Variants in EPSTI1 observed in about 807,000 individuals in gnomAD.
EPSTI1 encodes the protein epithelial-stromal interaction protein 1.
Under a neutral mutation model 49.9 loss-of-function variants are expected in EPSTI1, and 66 were observed. The observed-to-expected ratio is 1.32, with a 90% CI of 1.08 to 1.62. EPSTI1 has a LOEUF of 1.62. EPSTI1 is among the 40% of genes most tolerant of loss of function. The pLI, the probability that EPSTI1 is intolerant of heterozygous loss-of-function variation, is 0.00. For missense variants in EPSTI1, 394 were observed against 365.5 expected (o/e 1.08, Z -0.64); for synonymous variants, 137 against 130.7 (o/e 1.05, Z -0.33).
intron 8 of EPSTI1, among the ~76,000 whole-genome samples, chr13:42,906,613 C>T (rs1045892198): frequency 5.3e-5 from 8 of 152,086 alleles, no homozygotes; most frequent in African/African-American, 1.2e-4. Context: ...GAAAAGCTTT[C>T]GGGGGAAGGA....
intron 9 of EPSTI1, among the ~76,000 whole-genome samples, 198 bp downstream of exon 9, chr13:42,900,112 A>G (rs1426734427): frequency 6.6e-6 from 1 of 152,232 alleles, no homozygotes; most frequent in African/African-American, 2.4e-5. Context: ...GTGCATGCAC[A>G]TATGTACACA....
At chr13:42,895,323 G>C (rs2037159985) in intron 9 of EPSTI1, among the ~76,000 whole-genome samples, 1 of 152,162 alleles carries the variant, frequency 6.6e-6, no homozygotes, top group Non-Finnish European at 1.5e-5. Context: ...AAGCCAAAGG[G>C]GATACGAATT....
At chr13:42,968,294 CA>C (rs1297154532) in intron 3 of EPSTI1, among the ~76,000 whole-genome samples, 6 of 147,942 alleles carry the variant, frequency 4.1e-5, no homozygotes, top group Non-Finnish European at 1.5e-5. Flanking sequence ...AAATAATTTC[CA>C]AATTAGATTA....
chr13:42,979,675 C>G (rs1437681177), intron 1 of EPSTI1, among the ~76,000 whole-genome samples: 1 of 151,610 alleles, frequency 6.6e-6, no homozygotes, highest in Non-Finnish European at 1.5e-5. Flanking sequence ...ATACTGTTTA[C>G]TTATATTTAC....
At position 42,944,858 on chromosome 13, in the gene EPSTI1, T is replaced by C. The variant is rs1045194905; in HGVS notation, c.563+9090A>G. On this transcript the variant is annotated intron_variant, in intron 6 of 10. Coordinates refer to ENST00000313624, the MANE Select transcript of EPSTI1 (RefSeq NM_033255.5). ...AAATACATGGACCTTGTAGAAACTA[T>C]AATAGTGACCAAAGATCCCAAAATT... 6.6e-5 allele frequency among the ~76,000 whole-genome samples: 10 copies of C among 152,306 alleles called. No individual in the cohort carries two copies. In the South Asian group the frequency reaches 1.0e-3, roughly 16 times the overall value.
At chr13:42,961,878 C>A (rs2039461466) in intron 5 of EPSTI1, among the ~76,000 whole-genome samples, 1 of 152,170 alleles carries the variant, frequency 6.6e-6, no homozygotes, top group African/African-American at 2.4e-5. Flanking sequence ...GGGAGGAGGG[C>A]AGCGTGTTTG....
At chr13:42,933,708 C>T (rs1179443262) in intron 6 of EPSTI1, 1 of 152,198 alleles carries the variant, frequency 6.6e-6, no homozygotes, top group African/African-American at 2.4e-5. Flanking sequence ...CTGAAGGAAC[C>T]ATGTCCTGCA....
intron 8 of EPSTI1, 116 bp from the exon 9 acceptor site, chr13:42,900,499 T>C (rs940699491): frequency 9.7e-6 from 9 of 931,700 alleles, no homozygotes; most frequent in Non-Finnish European, 1.5e-5. Context: ...TTTTGAAACT[T>C]TTACTTAAGT....
intron 1 of EPSTI1, among the ~76,000 whole-genome samples, chr13:42,979,448 G>A (rs915026055): frequency 2.0e-5 from 3 of 151,952 alleles, no homozygotes; most frequent in Non-Finnish European, 4.4e-5. Flanking sequence ...CGGGCGTGGT[G>A]GCGGGTGCCT....
Position 42,992,209 on chromosome 13 carries a change from G to C in EPSTI1, c.-44C>G. On this transcript the variant is annotated 5_prime_UTR_variant, in exon 1 of 11. It adds an upstream start codon to the 5' untranslated region. Transcript: ENST00000313624. ...CCCGGGCCGCCGTCGCTGCGGGAGG[G>C]ATGCGGCTGGGACGCTTAGCGAGTC... 1.3e-6 allele frequency: 2 copies of C among 1,493,776 alleles called. No homozygotes were observed. Among genetic ancestry groups the C allele is most frequent in the Non-Finnish European group, 1.8e-6 (2 of 1,120,812 alleles). The allele number at this position is 1,493,776 out of a possible 1,614,324, so 92.5% of individuals were successfully genotyped here.
At chr13:42,959,782 G>A (rs1304449363) in intron 5 of EPSTI1, among the ~76,000 whole-genome samples, 1 of 152,210 alleles carries the variant, frequency 6.6e-6, no homozygotes, top group Non-Finnish European at 1.5e-5. Flanking sequence ...GATACCAAGA[G>A]GTTGGGGAAT....
chr13:42,907,509 T>G (rs2037530249), intron 8 of EPSTI1, among the ~76,000 whole-genome samples: 1 of 152,192 alleles, frequency 6.6e-6, no homozygotes, highest in Non-Finnish European at 1.5e-5. Context: ...TCTAATATTT[T>G]TACTTTTAGG....
chr13:42,891,758 T>C (rs543469241), intron 10 of EPSTI1, among the ~76,000 whole-genome samples: 3 of 152,346 alleles, frequency 2.0e-5, no homozygotes, highest in South Asian at 2.1e-4. Flanking sequence ...GTTCCAGTTA[T>C]TGTTTTATGC....
At chr13:42,934,689 T>A (rs1365069774) in intron 6 of EPSTI1, 1 of 163,474 alleles carries the variant, frequency 6.1e-6, no homozygotes, top group African/African-American at 2.4e-5. Flanking sequence ...CTTTGCTCTG[T>A]ACCTGGTTGC....
At position 42,922,670 on chromosome 13, in the gene EPSTI1, C is replaced by T. The variant is rs1269067282; in HGVS notation, c.657+3666G>A. On this transcript the variant is annotated intron_variant, in intron 7 of 10. Coordinates refer to ENST00000313624, the MANE Select transcript of EPSTI1 (RefSeq NM_033255.5). This position sits in a 1 kb window ranked among gnomAD's most constrained non-coding sequence, Gnocchi z 4.8. ...AGCAAAGGGAAGTGTTCAAATGTTG[C>T]GGTGGAAGTGGGATTCAAGCGGCGC... Among the ~76,000 whole-genome samples, 3 of 152,058 alleles carry T rather than the reference C, an allele frequency of 2.0e-5. No homozygotes were observed. Among genetic ancestry groups the T allele is most frequent in the East Asian group, 1.9e-4 (1 of 5,196 alleles).
intron 1 of EPSTI1, among the ~76,000 whole-genome samples, chr13:42,986,731 C>T (rs1346120917): frequency 1.8e-5 from 2 of 109,318 alleles, no homozygotes; most frequent in African/African-American, 7.3e-5. Context: ...GGTGACACAG[C>T]AAGATTCCAT....
chr13:42,989,586 TTTTTGTTTTG>T (rs1214107461), intron 1 of EPSTI1, among the ~76,000 whole-genome samples: 3 of 69,860 alleles, frequency 4.3e-5, no homozygotes, highest in Non-Finnish European at 6.9e-5. Flanking sequence ...TTTTTTTTGC[TTTTTGTTTTG>T]TTTTGTTTTG....
chr13:42,989,398 G>C (rs183287469), intron 1 of EPSTI1, among the ~76,000 whole-genome samples: 116 of 152,132 alleles, frequency 7.6e-4, no homozygotes, highest in African/African-American at 2.7e-3. Flanking sequence ...CTTGAACCCA[G>C]GTCTACCCAG....
intron 1 of EPSTI1, among the ~76,000 whole-genome samples, chr13:42,974,633 TG>T (rs2039844573): frequency 6.8e-6 from 1 of 148,004 alleles, no homozygotes; most frequent in African/African-American, 2.5e-5. Flanking sequence ...CACTCCCGCC[TG>T]GGCGACAGAG....
Sources: gnomAD v4.1 joint callset for allele counts (sites outside exome capture counted in the v4.1 genomes callset) on GRCh38, gnomAD v4.1.1 for gene constraint, Gnocchi (gnomAD v3.1) non-coding constraint, MANE v1.5 for transcripts, NCBI Gene and HGNC (gene_info 2026-07-23, HGNC 2026-07-21) for gene names.